The following IFI16 variants were observed in gnomAD, a reference collection of about 807,000 sequenced individuals.
IFI16 encodes the protein interferon gamma inducible protein 16.
IFI16 carries 49 observed loss-of-function variants against 68.4 expected under a neutral mutation model. The observed-to-expected ratio is 0.72, with a 90% CI of 0.57 to 0.91. The LOEUF (loss-of-function observed/expected upper bound fraction) is 0.91. Ranked by LOEUF, IFI16 falls within the 40% of genes least tolerant of loss-of-function variation. IFI16 has a pLI of 0.00. For missense variants in IFI16, 878 were observed against 942.9 expected, an observed-to-expected ratio of 0.93 and a Z score of 0.90; for synonymous variants, 307 against 315.0, an observed-to-expected ratio of 0.97 and a Z score of 0.27.
At chr1:159,003,937 G>A (rs1473672490), upstream of IFI16, among the ~76,000 whole-genome samples, 1 of 152,128 alleles carries the variant, frequency 6.6e-6, no homozygotes, top group Non-Finnish European at 1.5e-5. Context: ...TGGGATTACA[G>A]GCGTGAGCCA....
chr1:159,046,940 G>C (rs1641292264), intron 8 of IFI16, among the ~76,000 whole-genome samples: 1 of 151,206 alleles, frequency 6.6e-6, no homozygotes, highest in African/African-American at 2.4e-5. Context: ...AGATAACACA[G>C]AGGTGGGAAA....
At chr1:159,025,092 C>CT (rs1014871958) in intron 6 of IFI16, among the ~76,000 whole-genome samples, 5 of 151,940 alleles carry the variant, frequency 3.3e-5, no homozygotes, top group African/African-American at 1.2e-4. Context: ...TGCTAAAAGA[C>CT]TTTTAGTTCT....
chr1:159,032,717 C>A, intron 7 of IFI16, 26 bp downstream of exon 7: 1 of 1,537,754 alleles, frequency 6.5e-7, no homozygotes, highest in Non-Finnish European at 8.7e-7. Context: ...TCCCATGCCT[C>A]ATGTCTCCCC....
chr1:159,022,518 T>C (rs535402254), intron 6 of IFI16, among the ~76,000 whole-genome samples: 3 of 152,098 alleles, frequency 2.0e-5, no homozygotes, highest in African/African-American at 7.2e-5. Flanking sequence ...TCACCTTCTG[T>C]ATTTGTCCCG....
In IFI16 at chr1:159,032,536, A is replaced by T. The variant is rs754822671; in HGVS notation, c.1174A>T (p.Thr392Ser). The change falls in exon 7 of 12, where the codon ACA becomes TCA. Residue 392 changes from threonine (T) to serine (S), a missense_variant. Coordinates refer to ENST00000295809, the MANE Select transcript of IFI16 (RefSeq NM_001376587.1). The part of the protein sequence containing the change: ...MHSFIQIKKK[T>S]NPRNNDPKSM... Reference sequence around the variant, plus strand: ...TGAATACTTTCAGATAAAGAAAAAAACAAACCCGAGAAACAATGACCCCAA... The same window carrying T: ...TGAATACTTTCAGATAAAGAAAAAATCAAACCCGAGAAACAATGACCCCAA... 9 of 1,578,474 alleles carry T rather than the reference A, an allele frequency of 5.7e-6. No individual in the cohort carries two copies. In the African/African-American group the frequency reaches 1.2e-4, roughly 22 times the overall value.
At chr1:159,032,498 A>G (rs761059377) in intron 6 of IFI16, 26 bp from the exon 7 acceptor site, 2 of 1,475,204 alleles carry the variant, frequency 1.4e-6, no homozygotes, top group Non-Finnish European at 1.8e-6. Context: ...ATTGAAAACC[A>G]TTAAACAGAA....
chr1:159,043,500 G>C (rs1430684900), intron 7 of IFI16, among the ~76,000 whole-genome samples: 1 of 152,192 alleles, frequency 6.6e-6, no homozygotes, highest in Admixed American at 6.5e-5. Context: ...CTGGGATCCA[G>C]CCATCTTCAC....
intron 6 of IFI16, among the ~76,000 whole-genome samples, chr1:159,025,383 AAAT>A (rs746482859): frequency 2.0e-5 from 3 of 152,250 alleles, no homozygotes; most frequent in Non-Finnish European, 4.4e-5. Context: ...ATTTTATACT[AAAT>A]AAGTTAAATT....
At chr1:159,035,203 C>G (rs945093176) in intron 7 of IFI16, among the ~76,000 whole-genome samples, 3 of 152,072 alleles carry the variant, frequency 2.0e-5, no homozygotes, top group Non-Finnish European at 4.4e-5. Context: ...TTTTAGCTAG[C>G]TTCAGAAAGC....
chr1:159,050,893 T>G (rs1363506036), intron 9 of IFI16, among the ~76,000 whole-genome samples: 5 of 152,204 alleles, frequency 3.3e-5, no homozygotes, highest in African/African-American at 1.2e-4. Flanking sequence ...AATGATGTTT[T>G]TGCAACATAG....
upstream of IFI16, among the ~76,000 whole-genome samples, chr1:159,007,930 C>T (rs1425118823): frequency 6.6e-6 from 1 of 152,202 alleles, no homozygotes; most frequent in Non-Finnish European, 1.5e-5. Context: ...ATGCCACAGT[C>T]TATTGCATCA....
chr1:159,052,722 C>G (rs1210500122), intron 10 of IFI16: 2 of 151,044 alleles, frequency 1.3e-5, no homozygotes, highest in African/African-American at 4.9e-5. Flanking sequence ...AGTCACGTAG[C>G]TTAACTGCTC....
chr1:159,045,462 A>G lies in IFI16; in HGVS notation c.1495A>G (p.Thr499Ala). The G allele has an allele frequency of 6.2e-7, 1 of 1,602,580 alleles. No individual in the cohort carries two copies. The highest frequency in any genetic ancestry group is 8.5e-7 in the Non-Finnish European group (1 of 1,173,152). ...AACACCAAGCAGCAGTTTCTTAACC[A>G]CGGTACAAGTTCCCTCTTCCCAATA... is the stretch of plus-strand genomic sequence containing the variant. ...PSTPSSSFLT[T>A]KSEDTISKMN... Residue 499 changes from threonine (T) to alanine (A), a missense_variant and splice_region_variant, in exon 8 of 12, where the codon ACG becomes GCG. Transcript: ENST00000295809.
At position 159,010,028 on chromosome 1, in the gene IFI16, G is replaced by C. The variant is rs1194801807; in HGVS notation, c.-154G>C. On this transcript the variant is annotated 5_prime_UTR_variant, in exon 1 of 12. Transcript: ENST00000295809. ...ATACTTCATTTTCTTAGCGTTTCTG[G>C]AGATTACAACATCCTGCGGTTCCGT... 2.0e-5 allele frequency: 3 copies of C among 152,080 alleles called. No homozygotes were observed. The highest frequency in any genetic ancestry group is 4.4e-5 in the Non-Finnish European group (3 of 68,010). The allele number at this position is 152,080 out of a possible 1,614,324, so 9.4% of individuals were successfully genotyped here.
intron 11 of IFI16, among the ~76,000 whole-genome samples, chr1:159,054,093 C>A (rs1370938757): frequency 6.6e-6 from 1 of 152,152 alleles, no homozygotes; most frequent in African/African-American, 2.4e-5. Context: ...TCAGGTTCAT[C>A]ATTTGTGAAA....
intron 5 of IFI16, among the ~76,000 whole-genome samples, chr1:159,020,119 A>G (rs1281399895): frequency 1.3e-5 from 2 of 152,194 alleles, no homozygotes; most frequent in Admixed American, 6.5e-5. Flanking sequence ...AAGAAAACTC[A>G]TTGTTCTAGA....
At chr1:159,045,690 T>A (rs866484805) in intron 8 of IFI16, among the ~76,000 whole-genome samples, 1 of 151,320 alleles carries the variant, frequency 6.6e-6, no homozygotes, top group Non-Finnish European at 1.5e-5. Flanking sequence ...CTTTTTAATT[T>A]TATTTTCCTT....
intron 7 of IFI16, among the ~76,000 whole-genome samples, chr1:159,044,350 A>G (rs889191896): frequency 1.4e-4 from 21 of 151,566 alleles, no homozygotes; most frequent in African/African-American, 4.1e-4. Context: ...AAATGTTAAA[A>G]TGTCTGCAGT....
At chr1:159,021,629 T>G (rs574648114) in intron 6 of IFI16, among the ~76,000 whole-genome samples, 43 of 152,346 alleles carry the variant, frequency 2.8e-4, no homozygotes, top group Admixed American at 5.9e-4. Context: ...GTAGTGGGAT[T>G]GCTGGATCAA....
Sources: allele counts gnomAD v4.1 joint callset (sites outside exome capture counted in the v4.1 genomes callset), GRCh38; gene constraint gnomAD v4.1.1; transcripts MANE v1.5; gene names NCBI Gene and HGNC (gene_info 2026-07-23, HGNC 2026-07-21).